The following GRIK2 variants were observed in gnomAD, a reference collection of about 807,000 sequenced individuals.
GRIK2 encodes the protein glutamate ionotropic receptor kainate type subunit 2.
GRIK2 carries 32 observed loss-of-function variants against 100.3 expected under a neutral mutation model. The observed-to-expected ratio is 0.32, with a 90% CI of 0.24 to 0.43. The LOEUF (loss-of-function observed/expected upper bound fraction) is 0.43. Ranked by LOEUF, GRIK2 falls within the 20% of genes least tolerant of loss-of-function variation. The pLI, the probability that GRIK2 is intolerant of heterozygous loss-of-function variation, is 1.00. For synonymous variants in GRIK2, 417 were observed against 389.4 expected (o/e 1.07, Z -0.83); for missense variants, 843 against 1,114.9 (o/e 0.76, Z 3.47).
chr6:101,829,720 G>A (rs1008292441), intron 10 of GRIK2, among the ~76,000 whole-genome samples: 5 of 151,662 alleles, frequency 3.3e-5, no homozygotes, highest in Admixed American at 1.3e-4. Context: ...GAGCACTAAA[G>A]ACAAAACAAC....
At chr6:101,475,050 ACT>A (rs1772157936) in intron 2 of GRIK2, among the ~76,000 whole-genome samples, 1 of 151,766 alleles carries the variant, frequency 6.6e-6, no homozygotes, top group Admixed American at 6.6e-5. Flanking sequence ...AGAAGGTGTA[ACT>A]CTTGTGTTGA....
chr6:101,836,619 T>TGTATATATATATA (rs1434984767), intron 10 of GRIK2, among the ~76,000 whole-genome samples: 1 of 135,112 alleles, frequency 7.4e-6, no homozygotes, highest in African/African-American at 2.8e-5. Flanking sequence ...ATATATATAG[T>TGTATATATATATA]TATATATATA....
intron 14 of GRIK2, among the ~76,000 whole-genome samples, chr6:101,970,173 C>G (rs534445614): frequency 4.8e-4 from 73 of 151,646 alleles, no homozygotes; most frequent in African/African-American, 1.7e-3. Context: ...ATAAACCAAT[C>G]AATCAAATCT....
At chr6:101,771,868 A>AT (rs1009207021) in intron 7 of GRIK2, among the ~76,000 whole-genome samples, 11 of 151,934 alleles carry the variant, frequency 7.2e-5, no homozygotes, top group Admixed American at 4.6e-4. Context: ...TGAACTCATC[A>AT]TTTTTTATGG....
In GRIK2 at chr6:101,760,706, ATATATTTAAT is replaced by A. The variant is rs1247891859; in HGVS notation, c.952-38926_952-38917del. On this transcript the variant is annotated intron_variant, in intron 7 of 16. Coordinates refer to ENST00000369134, the MANE Select transcript of GRIK2 (RefSeq NM_021956.5). Reference sequence around the variant, plus strand: ...TAATTATATATAATTATATATAATTATATATTTAATTATATTTAATTATATAATTATATAT... The same window carrying A: ...TAATTATATATAATTATATATAATTATATATTTAATTATATAATTATATAT... Among the ~76,000 whole-genome samples, 7 of 106,948 alleles carry A rather than the reference ATATATTTAAT, an allele frequency of 6.5e-5. No homozygotes were observed. The East Asian group carries it at 1.5e-3, about 23-fold the overall frequency. 70.2% of individuals were successfully genotyped at this position (106,948 alleles called of 152,430 possible).
At chr6:101,620,124 A>C (rs575125829) in intron 2 of GRIK2, 2 of 218,006 alleles carry the variant, frequency 9.2e-6, no homozygotes, top group Non-Finnish European at 1.6e-5. Flanking sequence ...GGTTTTAAGC[A>C]ACTGCCCAAA....
rs186693658 is a variant in GRIK2, at chr6:101,407,552, C to A, written c.115+8160C>A. On this transcript the variant is annotated intron_variant, in intron 2 of 16. Transcript: ENST00000369134. ...AATGTGTCTACTTTGTTTCCTTTAC[C>A]TTTTCTTTCCTAGTACATTATCTCA... Among the ~76,000 whole-genome samples, 4 of 152,100 alleles carry A rather than the reference C, an allele frequency of 2.6e-5. No individual in the cohort carries two copies. In the East Asian group the frequency reaches 7.7e-4, roughly 29 times the overall value.
At chr6:101,589,732 C>A (rs1778551158) in intron 2 of GRIK2, among the ~76,000 whole-genome samples, 3 of 152,024 alleles carry the variant, frequency 2.0e-5, no homozygotes, top group Admixed American at 6.6e-5. Flanking sequence ...GGTTTACTAG[C>A]TCATGACTGA....
Position 101,816,117 on chromosome 6 carries a change from G to A in GRIK2, c.1204-2253G>A, listed in dbSNP as rs191814971. Among the ~76,000 whole-genome samples the A allele has an allele frequency of 1.7e-3, 262 of 152,176 alleles. 2 individuals carry two copies. Among genetic ancestry groups the A allele is most frequent in the Admixed American group, 4.4e-3 (67 of 15,270 alleles). ...GGGAAATTCTTTGTATTAGTTACTT[G>A]GTTAGAAAGTTGAAAACTTTCTAAG... On this transcript the variant is annotated intron_variant, in intron 9 of 16. Transcript: ENST00000369134.
At chr6:101,777,019 T>C (rs1778788827) in intron 7 of GRIK2, among the ~76,000 whole-genome samples, 1 of 152,358 alleles carries the variant, frequency 6.6e-6, no homozygotes, top group Admixed American at 6.5e-5. Context: ...CACCTGCCTA[T>C]GCACCATGTG....
intron 14 of GRIK2, among the ~76,000 whole-genome samples, chr6:101,930,573 AATTTT>A (rs1790204662): frequency 1.3e-5 from 2 of 151,998 alleles, no homozygotes; most frequent in Non-Finnish European, 2.9e-5. Flanking sequence ...TTTCCGTTTT[AATTTT>A]ATTTTTTCCA....
At chr6:101,785,825 T>C (rs1333889801) in intron 7 of GRIK2, among the ~76,000 whole-genome samples, 2 of 152,160 alleles carry the variant, frequency 1.3e-5, no homozygotes, top group Admixed American at 6.5e-5. Flanking sequence ...ATATGAATTT[T>C]AGAAGTTTTT....
At chr6:101,851,025 A>T (rs1029341120) in intron 10 of GRIK2, among the ~76,000 whole-genome samples, 1 of 152,112 alleles carries the variant, frequency 6.6e-6, no homozygotes, top group African/African-American at 2.4e-5. Flanking sequence ...GATAGGAATC[A>T]AAGCAAGAAA....
rs146284432 is a variant in GRIK2 at position 101,724,970 on chromosome 6, T to C, written c.951+38617T>C. 3.4e-3 allele frequency among the ~76,000 whole-genome samples: 514 copies of C among 152,146 alleles called. 3 individuals are homozygous for C. The highest frequency in any genetic ancestry group is 0.012 in the African/African-American group (490 of 41,558). Reference sequence around the variant, plus strand: ...CCTGCCTTTTCTGTCTCTTTTTCACTTTATTGCTCTCTGTAAGTTAGTGTG... The same window carrying C: ...CCTGCCTTTTCTGTCTCTTTTTCACCTTATTGCTCTCTGTAAGTTAGTGTG... On this transcript the variant is annotated intron_variant, in intron 7 of 16. Transcript: ENST00000369134.
At chr6:101,904,445 G>T (rs1380117482) in intron 12 of GRIK2, among the ~76,000 whole-genome samples, 1 of 151,350 alleles carries the variant, frequency 6.6e-6, no homozygotes, top group Non-Finnish European at 1.5e-5. Context: ...TACAATAAAT[G>T]TGTAAATTTA....
intron 2 of GRIK2, among the ~76,000 whole-genome samples, chr6:101,416,751 T>G (rs1188694544): frequency 2.6e-5 from 4 of 152,182 alleles, no homozygotes; most frequent in Admixed American, 6.5e-5. Flanking sequence ...ATTGGACACA[T>G]TAAACATCCA....
rs182461678 is a variant in GRIK2, at chr6:101,393,940, C to G, written c.-294+103C>G. 1.0e-3 allele frequency among the ~76,000 whole-genome samples: 152 copies of G among 152,328 alleles called. 1 individual carries two copies. Among genetic ancestry groups the G allele is most frequent in the African/African-American group, 3.6e-3 (149 of 41,588 alleles). ...CGGGTGGGCGAGGGGCATTTTCCAC[C>G]TGGAGAGAAGGAAGAAGGCGAACAG... On this transcript the variant is annotated intron_variant, in intron 1 of 16. Coordinates refer to ENST00000369134, the MANE Select transcript of GRIK2 (RefSeq NM_021956.5).
intron 12 of GRIK2, among the ~76,000 whole-genome samples, chr6:101,919,000 G>A (rs1789319960): frequency 6.6e-6 from 1 of 151,744 alleles, no homozygotes; most frequent in South Asian, 2.1e-4. Context: ...AACTGAAGAG[G>A]AAGAGGACTT....
intron 15 of GRIK2, among the ~76,000 whole-genome samples, chr6:102,041,286 G>T (rs1770557215): frequency 6.6e-6 from 1 of 151,592 alleles, no homozygotes. Flanking sequence ...AGTTCTGACA[G>T]ATTTTATACA....
Sources: allele counts gnomAD v4.1 joint callset (sites outside exome capture counted in the v4.1 genomes callset), GRCh38; gene constraint gnomAD v4.1.1; transcripts MANE v1.5; gene names NCBI Gene and HGNC (gene_info 2026-07-23, HGNC 2026-07-21).